Variants in RBFOX1 observed in about 807,000 individuals in gnomAD.
The protein encoded by RBFOX1 is RNA binding fox-1 homolog 1.
In RBFOX1, 8 loss-of-function variants were observed where a neutral mutation model predicts 57.7. That is an observed-to-expected ratio of 0.14 (90% CI 0.08 to 0.25). The LOEUF (loss-of-function observed/expected upper bound fraction) is 0.25, where lower values mean the gene tolerates loss of function less well. Among genes scored for constraint, RBFOX1 ranks in the 10% least tolerant of loss-of-function variants. The pLI, the probability that RBFOX1 is intolerant of heterozygous loss-of-function variation, is 1.00. For missense variants in RBFOX1, 611 were observed against 548.5 expected, an observed-to-expected ratio of 1.11 and a Z score of -1.14; for synonymous variants, 326 against 222.4, an observed-to-expected ratio of 1.47 and a Z score of -4.15.
intron 4 of RBFOX1, among the ~76,000 whole-genome samples, chr16:5,995,216 C>T (rs1004744634): frequency 6.6e-6 from 1 of 152,180 alleles, no homozygotes; most frequent in Non-Finnish European, 1.5e-5. Flanking sequence ...CTCAGTATTT[C>T]ACATTTTAAG....
At chr16:6,316,755 C>T (rs1428271059) in intron 1 of RBFOX1, among the ~76,000 whole-genome samples, 1 of 152,110 alleles carries the variant, frequency 6.6e-6, no homozygotes, top group South Asian at 2.1e-4. Context: ...CCTCAGTTTC[C>T]TCTTCTGAAA....
chr16:5,650,698 CCTCTCTCTGT>C (rs1036390650), intron 3 of RBFOX1, among the ~76,000 whole-genome samples: 16 of 151,440 alleles, frequency 1.1e-4, no homozygotes, highest in African/African-American at 2.7e-4. Flanking sequence ...AGCCTACCTT[CCTCTCTCTGT>C]CTCTCTCTGT....
In RBFOX1 at chr16:7,209,057, G is replaced by A. The variant is rs1366677649; in HGVS notation, c.27+156959G>A. Among the ~76,000 whole-genome samples the A allele has an allele frequency of 3.9e-5, 6 of 152,026 alleles. No homozygotes were observed. In the East Asian group the frequency reaches 7.8e-4, roughly 20 times the overall value. On this transcript the variant is annotated intron_variant, in intron 4 of 15. Transcript: ENST00000550418. ...TGCCCATAATCCCAGCACTTTGGGA[G>A]GCCGAGGTGGTCAGATCACCTGAGG... is the stretch of plus-strand genomic sequence containing the variant.
At chr16:6,615,273 T>C (rs1601599219) in intron 2 of RBFOX1, among the ~76,000 whole-genome samples, 2 of 152,218 alleles carry the variant, frequency 1.3e-5, no homozygotes, top group African/African-American at 4.8e-5. Flanking sequence ...CTGGTGCTAA[T>C]AATTCCAAAA....
At chr16:6,728,210 C>T (rs950751425) in intron 3 of RBFOX1, among the ~76,000 whole-genome samples, 56 of 152,168 alleles carry the variant, frequency 3.7e-4, no homozygotes, top group African/African-American at 1.3e-3. Context: ...GTCATTGTAT[C>T]ACCTTAAGTG....
chr16:7,109,152 A>G (rs1412965676), intron 4 of RBFOX1, among the ~76,000 whole-genome samples: 1 of 152,164 alleles, frequency 6.6e-6, no homozygotes, highest in African/African-American at 2.4e-5. Context: ...AATGTACTGG[A>G]TTTTCAGTTT....
chr16:6,954,077 G>A (rs9929359), intron 3 of RBFOX1, among the ~76,000 whole-genome samples: 5 of 151,872 alleles, frequency 3.3e-5, no homozygotes, highest in Non-Finnish European at 5.9e-5. Flanking sequence ...TCAACAAGGC[G>A]GTAATAAAGT....
At chr16:6,341,310 G>C (rs1307729359) in intron 2 of RBFOX1, among the ~76,000 whole-genome samples, 1 of 152,112 alleles carries the variant, frequency 6.6e-6, no homozygotes, top group Non-Finnish European at 1.5e-5. Flanking sequence ...GGCAGGTTGA[G>C]TCTCTTTCAC....
intron 3 of RBFOX1, among the ~76,000 whole-genome samples, chr16:6,736,098 T>C (rs1280429871): frequency 1.3e-5 from 2 of 152,182 alleles, no homozygotes; most frequent in Admixed American, 1.3e-4. Flanking sequence ...CAAATTATTT[T>C]AGCCATCCAA....
chr16:7,317,767 A>C (rs2096470935), intron 4 of RBFOX1, among the ~76,000 whole-genome samples: 1 of 152,236 alleles, frequency 6.6e-6, no homozygotes, highest in Non-Finnish European at 1.5e-5. Context: ...ATGGGCCTCC[A>C]ACTAGCTCTA....
intron 1 of RBFOX1, among the ~76,000 whole-genome samples, chr16:6,164,241 A>G (rs1412875196): frequency 1.3e-5 from 2 of 152,184 alleles, no homozygotes; most frequent in African/African-American, 4.8e-5. Flanking sequence ...GTACTTCTGT[A>G]TCTTTGAATT....
At chr16:7,367,278 TAA>T (rs1313555407) in intron 4 of RBFOX1, among the ~76,000 whole-genome samples, 1 of 152,152 alleles carries the variant, frequency 6.6e-6, no homozygotes, top group Non-Finnish European at 1.5e-5. Context: ...TGTTTTGAGA[TAA>T]AGAGTGCAGT....
intron 1 of RBFOX1, among the ~76,000 whole-genome samples, chr16:5,421,080 C>G (rs1031057765): frequency 6.6e-6 from 1 of 151,718 alleles, no homozygotes; most frequent in Non-Finnish European, 1.5e-5. Flanking sequence ...AATCTCAGCT[C>G]ACTGCAGCGT....
intron 2 of RBFOX1, among the ~76,000 whole-genome samples, chr16:5,520,014 G>A (rs2043949126): frequency 6.6e-6 from 1 of 152,212 alleles, no homozygotes; most frequent in East Asian, 1.9e-4. Flanking sequence ...TATTAAAGGA[G>A]TAAACTGATA....
chr16:7,404,737 C>T (rs1026114678), intron 4 of RBFOX1, among the ~76,000 whole-genome samples: 4 of 152,088 alleles, frequency 2.6e-5, no homozygotes, highest in Admixed American at 6.5e-5. Context: ...AAACCGAATG[C>T]ACTTTTTAAT....
intron 3 of RBFOX1, among the ~76,000 whole-genome samples, chr16:6,762,353 A>G (rs375365994): frequency 2.6e-5 from 4 of 152,140 alleles, no homozygotes; most frequent in Non-Finnish European, 4.4e-5. Flanking sequence ...TTTCAAAGTA[A>G]TTTTTAGCAA....
chr16:6,214,605 GA>G (rs1202474074), intron 1 of RBFOX1, among the ~76,000 whole-genome samples: 2 of 122,614 alleles, frequency 1.6e-5, no homozygotes, highest in African/African-American at 3.2e-5. Context: ...GAGAAGGTGA[GA>G]GGGAGAAGGA....
chr16:6,268,907 A>T (rs1446004879), intron 1 of RBFOX1, among the ~76,000 whole-genome samples: 1 of 152,190 alleles, frequency 6.6e-6, no homozygotes, highest in Non-Finnish European at 1.5e-5. Context: ...GACAGTCCAA[A>T]ATCCATGGAT....
At chr16:6,203,750 T>G (rs1274274835) in intron 1 of RBFOX1, among the ~76,000 whole-genome samples, 3 of 152,162 alleles carry the variant, frequency 2.0e-5, no homozygotes, top group African/African-American at 7.2e-5. Flanking sequence ...TGTGTGTTCA[T>G]AGAAACATAA....
Sources: allele counts gnomAD v4.1 joint callset (sites outside exome capture counted in the v4.1 genomes callset), GRCh38; gene constraint gnomAD v4.1.1; transcripts MANE v1.5; gene names NCBI Gene and HGNC (gene_info 2026-07-23, HGNC 2026-07-21).